Variants in DHRS3 observed in about 807,000 individuals in gnomAD.
The protein encoded by DHRS3 is dehydrogenase/reductase 3.
DHRS3 carries 14 observed loss-of-function variants against 27.2 expected under a neutral mutation model. The ratio of observed to expected loss-of-function variants is 0.52; its 90% CI spans 0.34 to 0.81. The LOEUF (loss-of-function observed/expected upper bound fraction) is 0.81, where lower values mean the gene tolerates loss of function less well. Ranked by LOEUF, DHRS3 falls within the 30% of genes least tolerant of loss-of-function variation. The probability of loss-of-function intolerance (pLI) is 0.01; values close to 1 mark genes in which losing one functional copy is unlikely to be tolerated. For synonymous variants in DHRS3, 165 were observed against 175.9 expected (o/e 0.94, Z 0.49); for missense variants, 322 against 406.2 (o/e 0.79, Z 1.78).
chr1:12,598,572 G>C (rs1220439611), intron 1 of DHRS3, among the ~76,000 whole-genome samples: 1 of 152,186 alleles, frequency 6.6e-6, no homozygotes, highest in African/African-American at 2.4e-5. Flanking sequence ...CATGAGGCTA[G>C]TTCTGGTCTC....
Position 12,602,691 on chromosome 1 carries a change from C to T in DHRS3, c.195+14463G>A, listed in dbSNP as rs1646843910. On this transcript the variant is annotated intron_variant, in intron 1 of 5. Coordinates refer to ENST00000616661, the MANE Select transcript of DHRS3 (RefSeq NM_004753.7). ...GCCATTACCCAGGAGGTGATAGGAG[C>T]TTTTTCACTACATTTCCACACCTTC... Among the ~76,000 whole-genome samples, 5 of 152,206 alleles carry T rather than the reference C, an allele frequency of 3.3e-5. No homozygotes were observed. In the South Asian group the frequency reaches 1.0e-3, roughly 32 times the overall value.
At chr1:12,613,419 G>A (rs182977315) in intron 1 of DHRS3, among the ~76,000 whole-genome samples, 1 of 152,302 alleles carries the variant, frequency 6.6e-6, no homozygotes, top group Admixed American at 6.5e-5. Flanking sequence ...ATTCATCTTT[G>A]CTACATTTTC....
Position 12,593,101 on chromosome 1 carries a change from T to G in DHRS3, c.196-12435A>C, listed in dbSNP as rs1403855449. 6.6e-6 allele frequency among the ~76,000 whole-genome samples: 1 copy of G among 152,116 alleles called. No individual in the cohort carries two copies. Among genetic ancestry groups the G allele is most frequent in the Non-Finnish European group, 1.5e-5 (1 of 68,034 alleles). On this transcript the variant is annotated intron_variant, in intron 1 of 5. Coordinates refer to ENST00000616661, the MANE Select transcript of DHRS3 (RefSeq NM_004753.7). The surrounding 1 kb of genome is among the most constrained non-coding windows in gnomAD (Gnocchi z 4.6). Reference sequence around the variant, plus strand: ...CTGTTCTCAACACAACAGCCAGAGATCCTTCTAGAATGTGTCAGACCACAT... The same window carrying G: ...CTGTTCTCAACACAACAGCCAGAGAGCCTTCTAGAATGTGTCAGACCACAT...
intron 1 of DHRS3, chr1:12,616,652 A>G: frequency 2.0e-6 from 2 of 993,752 alleles, no homozygotes; most frequent in African/African-American, 1.7e-5. Context: ...TCCCTTTTCA[A>G]ACCCAAACCA....
Position 12,586,852 on chromosome 1 carries a change from A to G in DHRS3, c.196-6186T>C, listed in dbSNP as rs1270630348. 6.6e-6 allele frequency among the ~76,000 whole-genome samples: 1 copy of G among 152,128 alleles called. No individual in the cohort carries two copies. The highest frequency in any genetic ancestry group is 1.5e-5 in the Non-Finnish European group (1 of 68,012). On this transcript the variant is annotated intron_variant, in intron 1 of 5. Coordinates refer to ENST00000616661, the MANE Select transcript of DHRS3 (RefSeq NM_004753.7). The surrounding 1 kb of genome is among the most constrained non-coding windows in gnomAD (Gnocchi z 5.0). The stretch of plus-strand genomic sequence containing the variant: ...AGAGAAAGCACATCTCCTCTCTTCA[A>G]GGGGTCCTGTGGGGATTAAGCTGGC...
chr1:12,580,731 A>C (rs1570364611), intron 1 of DHRS3, 65 bp from the exon 2 acceptor site: 2 of 1,542,190 alleles, frequency 1.3e-6, no homozygotes, highest in East Asian at 4.5e-5. Flanking sequence ...AACAATTGCC[A>C]CCAGAAATTC....
chr1:12,580,211 A>C (rs1335480513), intron 2 of DHRS3: 1 of 417,988 alleles, frequency 2.4e-6, no homozygotes, highest in Non-Finnish European at 4.5e-6. Context: ...TATTTAGCCC[A>C]AACAGATGAC....
intron 1 of DHRS3, among the ~76,000 whole-genome samples, chr1:12,601,851 C>T (rs943492552): frequency 6.6e-5 from 10 of 152,168 alleles, no homozygotes; most frequent in East Asian, 1.9e-4. Context: ...AAGGTTACTT[C>T]GAGTAGTAAA....
chr1:12,607,828 A>T (rs1646881000), intron 1 of DHRS3, among the ~76,000 whole-genome samples: 1 of 151,074 alleles, frequency 6.6e-6, no homozygotes, highest in Non-Finnish European at 1.5e-5. Flanking sequence ...TGAGAAATAA[A>T]ATATATATAT....
In DHRS3 at chr1:12,618,043, CCTCGCGCGCG is replaced by C. The variant is rs1210555191; in HGVS notation, c.-705_-696del. 1.3e-5 allele frequency among the ~76,000 whole-genome samples: 2 copies of C among 151,974 alleles called. No individual in the cohort carries two copies. Among genetic ancestry groups the C allele is most frequent in the East Asian group, 3.9e-4 (2 of 5,164 alleles). Reference sequence around the variant, plus strand: ...CAGTTTCTTTACGTGCAGCGCTCGCCCTCGCGCGCGCTCGCTCGCTCCGGCTCCCTCCCTC... The same window carrying C: ...CAGTTTCTTTACGTGCAGCGCTCGCCCTCGCTCGCTCCGGCTCCCTCCCTC... On this transcript the variant is annotated 5_prime_UTR_variant, in exon 1 of 6. An upstream open reading frame in the 5' UTR gains an earlier in-frame stop. Transcript: ENST00000616661. This position sits in a 1 kb window ranked among gnomAD's most constrained non-coding sequence, Gnocchi z 4.2.
At chr1:12,577,753 G>T (rs551100316) in intron 4 of DHRS3, among the ~76,000 whole-genome samples, 2 of 152,308 alleles carry the variant, frequency 1.3e-5, no homozygotes, top group Non-Finnish European at 2.9e-5. Flanking sequence ...AACCCAGGAG[G>T]TGGAGGTTGC....
At position 12,617,526 on chromosome 1, in the gene DHRS3, A is replaced by C; in HGVS notation, c.-178T>G. ...AAGCACCGGGTGAGAAAAAGAAAAA[A>C]AAAAAAAAAAAAAAGATAAATTCTC... On this transcript the variant is annotated 5_prime_UTR_variant, in exon 1 of 6. Coordinates refer to ENST00000616661, the MANE Select transcript of DHRS3 (RefSeq NM_004753.7). 6.6e-6 allele frequency: 3 copies of C among 452,308 alleles called. No individual in the cohort carries two copies. In the East Asian group the frequency reaches 1.2e-4, roughly 18 times the overall value. 28.0% of individuals were successfully genotyped at this position (452,308 alleles called of 1,614,324 possible).
At chr1:12,572,926 G>C (rs572268828) in intron 4 of DHRS3, 73 bp from the exon 5 acceptor site, 10 of 1,483,146 alleles carry the variant, frequency 6.7e-6, no homozygotes, top group Middle Eastern at 1.8e-4. Flanking sequence ...TTATGAGGCT[G>C]ACATGTCTGG....
chr1:12,617,507 C>G lies in DHRS3; in HGVS notation c.-159G>C. The stretch of plus-strand genomic sequence containing the variant: ...TCACCTCTTCCCAAATGCAAAGCAC[C>G]GGGTGAGAAAAAGAAAAAAAAAAAA... On this transcript the variant is annotated 5_prime_UTR_variant, in exon 1 of 6. Coordinates refer to ENST00000616661, the MANE Select transcript of DHRS3 (RefSeq NM_004753.7). 2 of 288,472 alleles carry G rather than the reference C, an allele frequency of 6.9e-6. No individual in the cohort carries two copies. Among genetic ancestry groups the G allele is most frequent in the African/African-American group, 5.9e-5 (2 of 34,100 alleles). The allele number at this position is 288,472 out of a possible 1,614,324, so 17.9% of individuals were successfully genotyped here. A position where few individuals can be genotyped will look rare whatever the true frequency, so the allele number is the denominator to read the frequency against.
chr1:12,590,944 T>C (rs928436549), intron 1 of DHRS3, among the ~76,000 whole-genome samples: 2 of 152,130 alleles, frequency 1.3e-5, no homozygotes, highest in Admixed American at 6.5e-5. Flanking sequence ...GGAGGCCTGT[T>C]TTCCAGACTC....
rs539918641 is a variant in DHRS3 at position 12,601,750 on chromosome 1, C to T, written c.195+15404G>A. On this transcript the variant is annotated intron_variant, in intron 1 of 5. Transcript: ENST00000616661. ...CAAGCAGACACCCTGGGTTCCAATCCTGCTGGGTCATTTACTAGCTGTGTG... is the reference window on the plus strand; with the variant it reads ...CAAGCAGACACCCTGGGTTCCAATCTTGCTGGGTCATTTACTAGCTGTGTG... Among the ~76,000 whole-genome samples the T allele has an allele frequency of 8.5e-5, 13 of 152,262 alleles. 1 individual carries two copies. The East Asian group carries it at 2.5e-3, about 29-fold the overall frequency.
chr1:12,584,709 G>A (rs1484950845), intron 1 of DHRS3, among the ~76,000 whole-genome samples: 1 of 152,204 alleles, frequency 6.6e-6, no homozygotes, highest in East Asian at 1.9e-4. Context: ...GCGCCCCAGA[G>A]CATCAGCACC....
rs565264372 is a variant in DHRS3 at position 12,616,056 on chromosome 1, T to C, written c.195+1098A>G. Among the ~76,000 whole-genome samples the C allele has an allele frequency of 2.6e-5, 4 of 152,268 alleles. No homozygotes were observed. In the East Asian group the frequency reaches 7.7e-4, roughly 29 times the overall value. On this transcript the variant is annotated intron_variant, in intron 1 of 5. Coordinates refer to ENST00000616661, the MANE Select transcript of DHRS3 (RefSeq NM_004753.7). ...AGAGCCACCCCGGAGGAATTGTAAA[T>C]CTCAGGGCAGTATTTAACAAAACAA...
At chr1:12,570,851 C>G (rs1364771918) in intron 5 of DHRS3, among the ~76,000 whole-genome samples, 2 of 152,194 alleles carry the variant, frequency 1.3e-5, no homozygotes, top group Non-Finnish European at 2.9e-5. Flanking sequence ...CCCCTGGGTG[C>G]CCCCTTCCCT....
Sources: allele counts gnomAD v4.1 joint callset (sites outside exome capture counted in the v4.1 genomes callset), GRCh38; gene constraint gnomAD v4.1.1; non-coding constraint Gnocchi (gnomAD v3.1); transcripts MANE v1.5; gene names NCBI Gene and HGNC (gene_info 2026-07-23, HGNC 2026-07-21).